The following PCDH9 variants were observed in gnomAD, a reference collection of about 807,000 sequenced individuals.
PCDH9 encodes the protein protocadherin-9.
In PCDH9, 24 loss-of-function variants were observed where a neutral mutation model predicts 70.6. That is an observed-to-expected ratio of 0.34 (90% confidence interval 0.25 to 0.48). The LOEUF (loss-of-function observed/expected upper bound fraction) is 0.48, where lower values mean the gene tolerates loss of function less well. Among genes scored for constraint, PCDH9 ranks in the 20% least tolerant of loss-of-function variants. The pLI is 0.99. For missense variants in PCDH9, 1,281 were observed against 1,503.6 expected (o/e 0.85, Z 2.45); for synonymous variants, 562 against 558.5 (o/e 1.01, Z -0.09).
chr13:66,706,120 A>G (rs1227572671), intron 3 of PCDH9, among the ~76,000 whole-genome samples: 2 of 152,254 alleles, frequency 1.3e-5, no homozygotes, highest in Non-Finnish European at 2.9e-5. Context: ...TAGAGTATGT[A>G]TTTGAACGGG....
intron 2 of PCDH9, among the ~76,000 whole-genome samples, chr13:67,010,071 A>G (rs952473531): frequency 6.6e-6 from 1 of 152,044 alleles, no homozygotes. Context: ...TAAAATAACT[A>G]TAAAAATAAA....
intron 2 of PCDH9, among the ~76,000 whole-genome samples, chr13:66,975,346 T>C (rs2083596717): frequency 6.6e-6 from 1 of 152,062 alleles, no homozygotes. Flanking sequence ...GATTTTTTGT[T>C]AGGATAAGGA....
chr13:67,023,567 A>T (rs1045574478), intron 2 of PCDH9, among the ~76,000 whole-genome samples: 3 of 152,192 alleles, frequency 2.0e-5, no homozygotes, highest in Non-Finnish European at 4.4e-5. Flanking sequence ...AGTTTGCCTG[A>T]GGGGAGGCAA....
chr13:66,594,770 C>A (rs983553938), intron 4 of PCDH9, among the ~76,000 whole-genome samples: 1 of 151,520 alleles, frequency 6.6e-6, no homozygotes, highest in African/African-American at 2.4e-5. Context: ...TCTGTTCCCG[C>A]ATTAGTTTGC....
chr13:66,954,501 T>C (rs1258287250), intron 2 of PCDH9, among the ~76,000 whole-genome samples: 1 of 152,168 alleles, frequency 6.6e-6, no homozygotes, highest in African/African-American at 2.4e-5. Context: ...GAGAGAGCTG[T>C]TTCTGGGTTA....
chr13:67,160,705 A>G (rs1346436298), intron 2 of PCDH9, among the ~76,000 whole-genome samples: 1 of 152,128 alleles, frequency 6.6e-6, no homozygotes, highest in Non-Finnish European at 1.5e-5. Context: ...ATCAGCTACT[A>G]CAGTATCTTG....
In PCDH9 at chr13:66,470,521, C is replaced by A. The variant is rs374406339; in HGVS notation, c.3340+160689G>T. On this transcript the variant is annotated intron_variant, in intron 4 of 4. Coordinates refer to ENST00000377865, the MANE Select transcript of PCDH9 (RefSeq NM_203487.3). ...AAATATTGCTGAAGAGTATTGGTGACTTATAAAAATCTGGGTCAGTTTAAC... is the reference window on the plus strand; with the variant it reads ...AAATATTGCTGAAGAGTATTGGTGAATTATAAAAATCTGGGTCAGTTTAAC... Among the ~76,000 whole-genome samples the A allele has an allele frequency of 2.0e-5, 3 of 152,018 alleles. No individual in the cohort carries two copies. The East Asian group carries it at 5.8e-4, about 29-fold the overall frequency.
At chr13:66,854,389 G>A (rs1163038521) in intron 3 of PCDH9, among the ~76,000 whole-genome samples, 1 of 151,964 alleles carries the variant, frequency 6.6e-6, no homozygotes, top group East Asian at 1.9e-4. Context: ...AAATGGTTCT[G>A]AATAAAGAAT....
chr13:66,470,067 C>T (rs1485642840), intron 4 of PCDH9, among the ~76,000 whole-genome samples: 1 of 152,052 alleles, frequency 6.6e-6, no homozygotes, highest in Admixed American at 6.5e-5. Context: ...CTTCTCTGTG[C>T]TTTTGTTTCA....
chr13:66,573,708 AG>A (rs1474560264), intron 4 of PCDH9, among the ~76,000 whole-genome samples: 2 of 151,910 alleles, frequency 1.3e-5, no homozygotes. Context: ...CAGTCAGTTA[AG>A]GGTATTTTGT....
At chr13:66,661,437 T>C (rs2078007053) in intron 3 of PCDH9, among the ~76,000 whole-genome samples, 3 of 152,184 alleles carry the variant, frequency 2.0e-5, no homozygotes, top group South Asian at 2.1e-4. Context: ...GTTACCAATA[T>C]TGTTTGCTGA....
chr13:66,938,540 A>C (rs986826435), intron 2 of PCDH9, among the ~76,000 whole-genome samples: 8 of 152,200 alleles, frequency 5.3e-5, no homozygotes, highest in Non-Finnish European at 8.8e-5. Context: ...CAAATCAAAA[A>C]GCAATCTTTA....
chr13:66,694,905 CT>C (rs367904882), intron 3 of PCDH9, among the ~76,000 whole-genome samples: 1,876 of 141,676 alleles, frequency 0.013, 46 homozygotes, highest in African/African-American at 0.032. Flanking sequence ...CACTTACATA[CT>C]TTTTTTTTTT....
At chr13:67,025,476 A>G (rs1184718724) in intron 2 of PCDH9, among the ~76,000 whole-genome samples, 3 of 152,114 alleles carry the variant, frequency 2.0e-5, no homozygotes, top group Non-Finnish European at 4.4e-5. Flanking sequence ...GAGCAAATTC[A>G]AAAATATATA....
chr13:66,384,244 T>C (rs1278151392), intron 4 of PCDH9, among the ~76,000 whole-genome samples: 2 of 152,114 alleles, frequency 1.3e-5, no homozygotes, highest in Admixed American at 6.5e-5. Flanking sequence ...ATGAATTCTA[T>C]TGGAATTTGA....
At chr13:66,450,097 G>A (rs77135457) in intron 4 of PCDH9, among the ~76,000 whole-genome samples, 1 of 151,970 alleles carries the variant, frequency 6.6e-6, no homozygotes, top group East Asian at 1.9e-4. Context: ...AAGAAACAGT[G>A]AAAAAACACA....
chr13:67,059,685 T>C (rs1435792075), intron 2 of PCDH9, among the ~76,000 whole-genome samples: 1 of 151,510 alleles, frequency 6.6e-6, no homozygotes, highest in Non-Finnish European at 1.5e-5. Flanking sequence ...ACAGGAAGCT[T>C]AACAGAGTAA....
intron 4 of PCDH9, among the ~76,000 whole-genome samples, chr13:66,397,262 A>T (rs1207440786): frequency 2.6e-5 from 4 of 152,028 alleles, no homozygotes; most frequent in African/African-American, 7.2e-5. Flanking sequence ...CTACAAAAAA[A>T]TTTAAAAGTA....
chr13:66,767,520 G>A (rs2079737014), intron 3 of PCDH9, among the ~76,000 whole-genome samples: 2 of 152,064 alleles, frequency 1.3e-5, no homozygotes, highest in Admixed American at 1.3e-4. Context: ...GCCAGCTGGA[G>A]ACTAAAATTG....
Sources: gnomAD v4.1 joint callset for allele counts (sites outside exome capture counted in the v4.1 genomes callset) on GRCh38, gnomAD v4.1.1 for gene constraint, MANE v1.5 for transcripts, NCBI Gene and HGNC (gene_info 2026-07-23, HGNC 2026-07-21) for gene names.